PDLIM5: variants seen among roughly 807,000 people sequenced by gnomAD.
PDLIM5 encodes PDZ and LIM domain protein 5.
A neutral mutation model predicts 64.2 loss-of-function variants in PDLIM5; 34 were observed. The observed-to-expected ratio is 0.53, with a 90% CI of 0.40 to 0.71. The LOEUF (loss-of-function observed/expected upper bound fraction) is 0.71. Among genes scored for constraint, PDLIM5 ranks in the 30% least tolerant of loss-of-function variants. PDLIM5 has a pLI of 0.00. For missense variants in PDLIM5, 683 were observed against 733.6 expected, an observed-to-expected ratio of 0.93 and a Z score of 0.80; for synonymous variants, 253 against 269.1, an observed-to-expected ratio of 0.94 and a Z score of 0.59.
At chr4:94,637,349 A>C (rs1044728421) in intron 8 of PDLIM5, among the ~76,000 whole-genome samples, 1 of 152,160 alleles carries the variant, frequency 6.6e-6, no homozygotes, top group African/African-American at 2.4e-5. Flanking sequence ...TCACAAAGTC[A>C]GGAGTTCGAG....
chr4:94,649,973 C>G (rs1226478953), intron 9 of PDLIM5, among the ~76,000 whole-genome samples: 5 of 152,224 alleles, frequency 3.3e-5, no homozygotes, highest in Non-Finnish European at 5.9e-5. Flanking sequence ...GGTGGCCTCA[C>G]AACCCTTTAA....
At chr4:94,595,842 A>G (rs571250782) in intron 7 of PDLIM5, among the ~76,000 whole-genome samples, 1 of 152,304 alleles carries the variant, frequency 6.6e-6, no homozygotes, top group South Asian at 2.1e-4. Context: ...TGATATTTGC[A>G]CATATTTTCA....
At chr4:94,466,165 ATT>A (rs927961342) in intron 2 of PDLIM5, among the ~76,000 whole-genome samples, 4 of 151,964 alleles carry the variant, frequency 2.6e-5, no homozygotes, top group Admixed American at 2.6e-4. Flanking sequence ...ACAGGGTCTC[ATT>A]ATGTTGCCCA....
chr4:94,624,252 A>C (rs1205666164), intron 8 of PDLIM5, among the ~76,000 whole-genome samples: 1 of 152,050 alleles, frequency 6.6e-6, no homozygotes, highest in Non-Finnish European at 1.5e-5. Flanking sequence ...TGGGAGGCGG[A>C]GGTTGCAGTG....
intron 8 of PDLIM5, among the ~76,000 whole-genome samples, chr4:94,631,783 T>C (rs1740168764): frequency 6.6e-6 from 1 of 152,234 alleles, no homozygotes; most frequent in African/African-American, 2.4e-5. Flanking sequence ...CATACTCTTC[T>C]GGTTTTTCTC....
At chr4:94,563,767 TTTTC>T (rs1553958766) in intron 3 of PDLIM5, among the ~76,000 whole-genome samples, 1 of 152,128 alleles carries the variant, frequency 6.6e-6, no homozygotes, top group Non-Finnish European at 1.5e-5. Context: ...TATTTTGTTG[TTTTC>T]TATTTGTGTT....
chr4:94,557,567 C>T (rs1237892907), intron 3 of PDLIM5, among the ~76,000 whole-genome samples: 1 of 152,124 alleles, frequency 6.6e-6, no homozygotes, highest in Non-Finnish European at 1.5e-5. Flanking sequence ...TTGTTTGTGT[C>T]TTCTTTTATT....
rs370083514 is a variant in PDLIM5, at chr4:94,588,250, A to G, written c.920+1806A>G. 4.2e-5 allele frequency: 37 copies of G among 883,832 alleles called. No homozygotes were observed. In the African/African-American group the frequency reaches 6.2e-4, roughly 15 times the overall value. 54.7% of individuals were successfully genotyped at this position (883,832 alleles called of 1,614,324 possible). A position where few individuals can be genotyped will look rare whatever the true frequency, so the allele number is the denominator to read the frequency against. On this transcript the variant is annotated intron_variant, in intron 7 of 12. Transcript: ENST00000317968. ...TTTGGAAATCATTTTTAACTTTGTGAGGTTACTAAAATATGGGTATAAAAC... is the reference window on the plus strand; with the variant it reads ...TTTGGAAATCATTTTTAACTTTGTGGGGTTACTAAAATATGGGTATAAAAC...
chr4:94,518,504 C>T (rs1729556217), intron 2 of PDLIM5, among the ~76,000 whole-genome samples: 1 of 152,082 alleles, frequency 6.6e-6, no homozygotes, highest in Non-Finnish European at 1.5e-5. Flanking sequence ...GGAACAAATG[C>T]TGGAACATTG....
At position 94,644,519 on chromosome 4, in the gene PDLIM5, A is replaced by G. The variant is rs192436995; in HGVS notation, c.1283+4069A>G. Among the ~76,000 whole-genome samples the G allele has an allele frequency of 2.8e-3, 418 of 151,964 alleles. 1 individual carries two copies. The highest frequency in any genetic ancestry group is 0.01 in the Middle Eastern group (3 of 292). The stretch of plus-strand genomic sequence containing the variant: ...CTATATATTGAACTTGATTGGTATC[A>G]TGCCAAGAACTTTTTTTTTTTTTTG... On this transcript the variant is annotated intron_variant, in intron 9 of 12. Transcript: ENST00000317968.
At chr4:94,520,288 T>C (rs1043086715) in intron 2 of PDLIM5, among the ~76,000 whole-genome samples, 3 of 152,226 alleles carry the variant, frequency 2.0e-5, no homozygotes, top group Admixed American at 2.0e-4. Context: ...ATTAGTTTGA[T>C]TTATGCTGAG....
At chr4:94,630,357 A>G (rs1413930338) in intron 8 of PDLIM5, among the ~76,000 whole-genome samples, 1 of 151,986 alleles carries the variant, frequency 6.6e-6, no homozygotes, top group Non-Finnish European at 1.5e-5. Flanking sequence ...GAGTATTAGT[A>G]TCCATTGATT....
chr4:94,469,785 AT>A (rs59203999), intron 2 of PDLIM5, among the ~76,000 whole-genome samples: 1 of 151,894 alleles, frequency 6.6e-6, no homozygotes, highest in Non-Finnish European at 1.5e-5. Flanking sequence ...AGAATTTAAA[AT>A]TTTTTTTGAG....
chr4:94,580,229 T>C (rs1265115729), intron 5 of PDLIM5, among the ~76,000 whole-genome samples: 1 of 152,180 alleles, frequency 6.6e-6, no homozygotes, highest in African/African-American at 2.4e-5. Flanking sequence ...GAACTTAAAA[T>C]AATTTTATTA....
intron 8 of PDLIM5, among the ~76,000 whole-genome samples, chr4:94,639,046 GGA>G (rs1326106545): frequency 6.6e-6 from 1 of 152,098 alleles, no homozygotes; most frequent in African/African-American, 2.4e-5. Flanking sequence ...TGTAATTCAG[GGA>G]GAGTTTTTGG....
At chr4:94,609,094 T>C (rs1388693314) in intron 7 of PDLIM5, among the ~76,000 whole-genome samples, 1 of 152,198 alleles carries the variant, frequency 6.6e-6, no homozygotes, top group Non-Finnish European at 1.5e-5. Flanking sequence ...GAATGACTTA[T>C]CAAATTCTTT....
intron 7 of PDLIM5, 90 bp from the exon 8 acceptor site, chr4:94,617,914 T>G: frequency 1.5e-6 from 1 of 646,966 alleles, no homozygotes; most frequent in Non-Finnish European, 2.5e-6. Context: ...CAATGGATTT[T>G]GATTGATTAA....
intron 7 of PDLIM5, among the ~76,000 whole-genome samples, chr4:94,605,699 G>A (rs1160829947): frequency 6.6e-6 from 1 of 152,124 alleles, no homozygotes; most frequent in African/African-American, 2.4e-5. Context: ...TAACACATGG[G>A]AAACTTCCCA....
At chr4:94,468,597 A>G (rs189067228) in intron 2 of PDLIM5, among the ~76,000 whole-genome samples, 1 of 152,140 alleles carries the variant, frequency 6.6e-6, no homozygotes, top group South Asian at 2.1e-4. Context: ...AGAGAAGCAG[A>G]TGTTTTTGTT....
Sources: gnomAD v4.1 joint callset for allele counts (sites outside exome capture counted in the v4.1 genomes callset) on GRCh38, gnomAD v4.1.1 for gene constraint, MANE v1.5 for transcripts, NCBI Gene and HGNC (gene_info 2026-07-23, HGNC 2026-07-21) for gene names.